TEAD1: variants seen among roughly 807,000 people sequenced by gnomAD.
The protein encoded by TEAD1 is TEA domain transcription factor 1.
Under a neutral mutation model 54.9 loss-of-function variants are expected in TEAD1, and 9 were observed. The ratio of observed to expected loss-of-function variants is 0.16; its 90% CI spans 0.10 to 0.29. The LOEUF (loss-of-function observed/expected upper bound fraction) is 0.29, where lower values mean the gene tolerates loss of function less well. Among genes scored for constraint, TEAD1 ranks in the 10% least tolerant of loss-of-function variants. TEAD1 has a pLI of 1.00. For synonymous variants in TEAD1, 200 were observed against 187.8 expected, an observed-to-expected ratio of 1.07 and a Z score of -0.53; for missense variants, 387 against 535.9, an observed-to-expected ratio of 0.72 and a Z score of 2.74.
intron 9 of TEAD1, among the ~76,000 whole-genome samples, chr11:12,893,134 C>G (rs549696993): frequency 6.6e-6 from 1 of 152,190 alleles, no homozygotes; most frequent in Non-Finnish European, 1.5e-5. Flanking sequence ...TCTCATGCTT[C>G]GGAATAAGTG....
At chr11:12,896,304 G>A (rs1311750222) in intron 9 of TEAD1, among the ~76,000 whole-genome samples, 3 of 152,048 alleles carry the variant, frequency 2.0e-5, no homozygotes, top group African/African-American at 4.8e-5. Flanking sequence ...TCAGCTCCAC[G>A]GATCCACTCT....
chr11:12,910,781 C>T (rs1418910565), intron 10 of TEAD1, among the ~76,000 whole-genome samples: 2 of 130,122 alleles, frequency 1.5e-5, no homozygotes, highest in Admixed American at 1.7e-4. Flanking sequence ...GAGTCTCGCT[C>T]TGTCTCACAG....
Position 12,861,827 on chromosome 11 carries a change from A to T in TEAD1, c.203-423A>T, listed in dbSNP as rs533628044. ...CATGGAGAAACCCTGTCTCTACTAA[A>T]AATACAAAATTAGCTGGGCGTGATG... On this transcript the variant is annotated intron_variant, in intron 3 of 12. Transcript: ENST00000527636. 1.5e-4 allele frequency among the ~76,000 whole-genome samples: 23 copies of T among 152,296 alleles called. 1 individual carries two copies. In the South Asian group the frequency reaches 4.8e-3, roughly 32 times the overall value.
intron 3 of TEAD1, among the ~76,000 whole-genome samples, chr11:12,795,398 C>G (rs1346590389): frequency 1.3e-5 from 2 of 152,204 alleles, no homozygotes; most frequent in Non-Finnish European, 2.9e-5. Flanking sequence ...AGGGTTAACA[C>G]TTCAACAAAT....
Position 12,749,593 on chromosome 11 carries a change from G to A in TEAD1, c.-54-14586G>A, listed in dbSNP as rs145095081. On this transcript the variant is annotated intron_variant, in intron 2 of 12. Coordinates refer to ENST00000527636, the MANE Select transcript of TEAD1 (RefSeq NM_021961.6). ...CTGGAGAGGGCTCACAGCACCCTGGGCCATGGGGAAGTGAAGGCAGGAGAA... is the reference window on the plus strand; with the variant it reads ...CTGGAGAGGGCTCACAGCACCCTGGACCATGGGGAAGTGAAGGCAGGAGAA... 2.0e-5 allele frequency among the ~76,000 whole-genome samples: 3 copies of A among 152,302 alleles called. No homozygotes were observed. In the East Asian group the frequency reaches 5.8e-4, roughly 29 times the overall value.
At chr11:12,797,105 C>G (rs1211195120) in intron 3 of TEAD1, among the ~76,000 whole-genome samples, 1 of 151,898 alleles carries the variant, frequency 6.6e-6, no homozygotes, top group East Asian at 1.9e-4. Flanking sequence ...AGCAAGACTC[C>G]ATCTCAAAAC....
At chr11:12,839,469 G>A (rs1368020062) in intron 3 of TEAD1, among the ~76,000 whole-genome samples, 1 of 152,178 alleles carries the variant, frequency 6.6e-6, no homozygotes, top group African/African-American at 2.4e-5. Flanking sequence ...GCTTCAGAAA[G>A]AAATACTGCA....
At chr11:12,916,987 T>C (rs754550023) in intron 10 of TEAD1, among the ~76,000 whole-genome samples, 6 of 152,174 alleles carry the variant, frequency 3.9e-5, no homozygotes, top group Admixed American at 6.5e-5. Flanking sequence ...TCATTTCAAC[T>C]TAACAGATGT....
chr11:12,848,113 T>C (rs2088299531), intron 3 of TEAD1, among the ~76,000 whole-genome samples: 1 of 152,178 alleles, frequency 6.6e-6, no homozygotes, highest in African/African-American at 2.4e-5. Flanking sequence ...CATCTATCCA[T>C]CTAATCGTTC....
In TEAD1 at chr11:12,936,633, T is replaced by C. The variant is rs993652350; in HGVS notation, c.1168-476T>C. 3.3e-5 allele frequency among the ~76,000 whole-genome samples: 5 copies of C among 152,226 alleles called. 1 individual carries two copies. ...CCTGATGTAATCGTCCCACAAGGTA[T>C]ATACATCTATCATCACATTGTAGCC... On this transcript the variant is annotated intron_variant, in intron 12 of 12. Transcript: ENST00000527636.
At chr11:12,803,476 CTG>C (rs1315781768) in intron 3 of TEAD1, among the ~76,000 whole-genome samples, 1 of 152,302 alleles carries the variant, frequency 6.6e-6, no homozygotes, top group Admixed American at 6.5e-5. Context: ...GGAAAGGAAA[CTG>C]TAGCTTTTTT....
intron 3 of TEAD1, among the ~76,000 whole-genome samples, chr11:12,822,820 T>C (rs1411583152): frequency 6.6e-6 from 1 of 152,188 alleles, no homozygotes; most frequent in Non-Finnish European, 1.5e-5. Context: ...CAGAGAACCA[T>C]GCAATTATCT....
intron 3 of TEAD1, among the ~76,000 whole-genome samples, chr11:12,861,977 A>G (rs1589935254): frequency 6.9e-6 from 1 of 144,102 alleles, no homozygotes; most frequent in East Asian, 2.0e-4. Flanking sequence ...CAAGAGTGAA[A>G]CTCTGTCTTT....
intron 12 of TEAD1, among the ~76,000 whole-genome samples, chr11:12,931,821 A>G (rs1949016478): frequency 6.6e-6 from 1 of 152,224 alleles, no homozygotes; most frequent in Non-Finnish European, 1.5e-5. Context: ...CCCTGTGCAT[A>G]TTAGATTCAT....
At chr11:12,795,574 G>T (rs1157858627) in intron 3 of TEAD1, among the ~76,000 whole-genome samples, 5 of 152,174 alleles carry the variant, frequency 3.3e-5, no homozygotes. Context: ...CTAAACTTTG[G>T]TGTGTCAGAA....
chr11:12,884,183 A>G (rs1948038149), intron 9 of TEAD1, among the ~76,000 whole-genome samples: 1 of 151,352 alleles, frequency 6.6e-6, no homozygotes, highest in Non-Finnish European at 1.5e-5. Flanking sequence ...GGCATTTCCC[A>G]TACATATGTG....
At chr11:12,678,976 G>A (rs1943158389) in intron 2 of TEAD1, among the ~76,000 whole-genome samples, 1 of 152,220 alleles carries the variant, frequency 6.6e-6, no homozygotes, top group South Asian at 2.1e-4. Context: ...TTTCTTACAA[G>A]GGTAGGTTAC....
At chr11:12,729,354 A>G (rs1944375405) in intron 2 of TEAD1, among the ~76,000 whole-genome samples, 1 of 152,190 alleles carries the variant, frequency 6.6e-6, no homozygotes, top group South Asian at 2.1e-4. Context: ...GCAGATTCTC[A>G]TTCAGTGGAT....
chr11:12,788,299 A>G (rs943561961), intron 3 of TEAD1, among the ~76,000 whole-genome samples: 16 of 151,914 alleles, frequency 1.1e-4, no homozygotes, highest in African/African-American at 2.9e-4. Flanking sequence ...GCCCAGCCTA[A>G]TTTTGTATTT....
Sources: allele counts gnomAD v4.1 joint callset (sites outside exome capture counted in the v4.1 genomes callset), GRCh38; gene constraint gnomAD v4.1.1; transcripts MANE v1.5; gene names NCBI Gene and HGNC (gene_info 2026-07-23, HGNC 2026-07-21).